The following ZFHX3 variants were observed in gnomAD, a reference collection of about 807,000 sequenced individuals.
ZFHX3 encodes the protein zinc finger homeobox protein 3.
A neutral mutation model predicts 279.1 loss-of-function variants in ZFHX3; 42 were observed. The observed-to-expected ratio is 0.15, with a 90% confidence interval of 0.12 to 0.19. ZFHX3 has a LOEUF of 0.19. ZFHX3 is among the 10% of genes least tolerant of loss of function. The pLI is 1.00. For synonymous variants in ZFHX3, 2,293 were observed against 1,957.8 expected (o/e 1.17, Z -4.52); for missense variants, 4,981 against 4,754.0 (o/e 1.05, Z -1.40).
chr16:73,541,816 T>TTTTC (rs1567514251), intron 2 of ZFHX3, among the ~76,000 whole-genome samples: 1 of 132,534 alleles, frequency 7.5e-6, no homozygotes, highest in Admixed American at 7.8e-5. Flanking sequence ...TTTTTTTTTT[T>TTTTC]CCCTGAGATG....
At position 72,800,066 on chromosome 16, in the gene ZFHX3, C is replaced by T. The variant is rs1192089213; in HGVS notation, c.3928G>A (p.Asp1310Asn). The change falls in exon 8 of 10, where the codon GAT becomes AAT. Residue 1310 changes from aspartate (D) to asparagine (N), a missense_variant. Coordinates refer to ENST00000268489, the MANE Select transcript of ZFHX3 (RefSeq NM_006885.4). ...MFLPAAVPDR[D>N]GNSNLEEAGK... is the part of the protein sequence containing the mutation. ...GCCTCTTCCAAATTGGAATTCCCATCTCGATCTGGAACAGCTGCTGGGAGG... is the reference window on the plus strand; with the variant it reads ...GCCTCTTCCAAATTGGAATTCCCATTTCGATCTGGAACAGCTGCTGGGAGG... 1 of 1,614,192 alleles carries T rather than the reference C, an allele frequency of 6.2e-7. No individual in the cohort carries two copies. The highest frequency in any genetic ancestry group is 8.5e-7 in the Non-Finnish European group (1 of 1,180,034).
chr16:73,299,555 T>C (rs1188684358), intron 4 of ZFHX3, among the ~76,000 whole-genome samples: 1 of 152,122 alleles, frequency 6.6e-6, no homozygotes, highest in African/African-American at 2.4e-5. Context: ...TAAATCTTGA[T>C]GAGGGGCAGG....
At chr16:73,360,699 GAGAACAC>G (rs1218896998) in intron 3 of ZFHX3, among the ~76,000 whole-genome samples, 1 of 152,204 alleles carries the variant, frequency 6.6e-6, no homozygotes, top group African/African-American at 2.4e-5. Context: ...GTTAACTCTG[GAGAACAC>G]AGTTTTAACA....
At chr16:73,279,498 G>T (rs548370467) in intron 4 of ZFHX3, among the ~76,000 whole-genome samples, 1 of 151,390 alleles carries the variant, frequency 6.6e-6, no homozygotes, top group Non-Finnish European at 1.5e-5. Flanking sequence ...TAAGACAAAG[G>T]TAATGAGGAA....
At chr16:72,848,925 C>CA (rs397828697) in intron 4 of ZFHX3, among the ~76,000 whole-genome samples, 1 of 66 alleles carries the variant, frequency 0.015, no homozygotes, top group Non-Finnish European at 0.033. Context: ...GCAGGCAGAG[C>CA]GCCGGGCTGC....
intron 1 of ZFHX3, among the ~76,000 whole-genome samples, chr16:73,881,890 C>T (rs1222789480): frequency 6.6e-6 from 1 of 151,972 alleles, no homozygotes; most frequent in Non-Finnish European, 1.5e-5. Flanking sequence ...GGTGACCTGC[C>T]CCGCAGCTCC....
At chr16:73,585,172 C>A (rs1419577439) in intron 2 of ZFHX3, among the ~76,000 whole-genome samples, 1 of 152,200 alleles carries the variant, frequency 6.6e-6, no homozygotes, top group East Asian at 1.9e-4. Context: ...AATCACAGCA[C>A]TTTGGGAGGC....
At chr16:73,083,021 TAAAAAAAA>T (rs71156139) in intron 8 of ZFHX3, among the ~76,000 whole-genome samples, 98,779 of 132,244 alleles carry the variant, frequency 0.75, 37,641 homozygotes, top group East Asian at 0.92. Context: ...CCATCTCTAC[TAAAAAAAA>T]AAAAAAAAAA....
At chr16:72,862,417 A>T (rs995736020) in intron 4 of ZFHX3, among the ~76,000 whole-genome samples, 3 of 152,266 alleles carry the variant, frequency 2.0e-5, no homozygotes, top group Non-Finnish European at 2.9e-5. Flanking sequence ...CTGCCTTTGC[A>T]GTATTCAGGG....
At chr16:73,103,400 A>G (rs1481910961) in intron 7 of ZFHX3, among the ~76,000 whole-genome samples, 1 of 151,900 alleles carries the variant, frequency 6.6e-6, no homozygotes, top group Non-Finnish European at 1.5e-5. Flanking sequence ...GTGCGCTCAC[A>G]CCTCTAGGCC....
In ZFHX3 at chr16:72,893,516, T is replaced by C. The variant is rs146532346; in HGVS notation, c.3217-3554A>G. Among the ~76,000 whole-genome samples, 1,038 of 152,154 alleles carry C rather than the reference T, an allele frequency of 6.8e-3. 6 individuals carry two copies. The highest frequency in any genetic ancestry group is 0.031 in the Middle Eastern group (9 of 292). ...GGACCGTATAAACCCTGGATTGAAA[T>C]AAACATCATACCGGGTACTCACACT... On this transcript the variant is annotated intron_variant, in intron 3 of 9. Transcript: ENST00000268489.
intron 4 of ZFHX3, among the ~76,000 whole-genome samples, chr16:72,862,125 T>G (rs985133837): frequency 6.6e-6 from 1 of 152,230 alleles, no homozygotes; most frequent in Admixed American, 6.5e-5. Context: ...CTGTATACCA[T>G]GCAACTTCAA....
intron 1 of ZFHX3, among the ~76,000 whole-genome samples, chr16:73,878,057 T>C (rs2030011878): frequency 1.3e-5 from 2 of 152,100 alleles, no homozygotes; most frequent in African/African-American, 4.8e-5. Context: ...AAACCCAGTG[T>C]AATATTCTGA....
At chr16:73,343,683 C>T (rs769633599) in intron 3 of ZFHX3, among the ~76,000 whole-genome samples, 1 of 152,186 alleles carries the variant, frequency 6.6e-6, no homozygotes, top group Non-Finnish European at 1.5e-5. Context: ...AATGCCACTG[C>T]ACTCCAGCCT....
intron 2 of ZFHX3, among the ~76,000 whole-genome samples, chr16:73,574,271 G>A (rs1295251508): frequency 6.6e-6 from 1 of 152,122 alleles, no homozygotes; most frequent in Non-Finnish European, 1.5e-5. Context: ...AAGAAATGAT[G>A]CAAAATTTCA....
chr16:73,601,299 CAAAAAA>C (rs1217744713), intron 2 of ZFHX3, among the ~76,000 whole-genome samples: 129 of 60,472 alleles, frequency 2.1e-3, no homozygotes, highest in African/African-American at 6.0e-3. Context: ...ACTAAAAATA[CAAAAAA>C]AAAAAAAAAA....
intron 1 of ZFHX3, among the ~76,000 whole-genome samples, chr16:73,803,098 G>C (rs1281590672): frequency 3.3e-5 from 5 of 152,168 alleles, no homozygotes; most frequent in Non-Finnish European, 7.3e-5. Context: ...ACCGTACCAG[G>C]ACAGCATTAT....
chr16:73,451,255 T>A (rs187794551), intron 3 of ZFHX3, among the ~76,000 whole-genome samples: 2 of 152,210 alleles, frequency 1.3e-5, no homozygotes, highest in Non-Finnish European at 2.9e-5. Flanking sequence ...TATACTAGAC[T>A]TGGTAAGTGG....
At chr16:73,307,147 T>C (rs889402) in intron 4 of ZFHX3, among the ~76,000 whole-genome samples, 118,775 of 152,220 alleles carry the variant, frequency 0.78, 46,688 homozygotes, top group African/African-American at 0.85. Flanking sequence ...TCCCAACATG[T>C]TTAAATACAG....
Sources: gnomAD v4.1 joint callset for allele counts (sites outside exome capture counted in the v4.1 genomes callset) on GRCh38, gnomAD v4.1.1 for gene constraint, MANE v1.5 for transcripts, NCBI Gene and HGNC (gene_info 2026-07-23, HGNC 2026-07-21) for gene names.